Variants in ATL1 observed in about 807,000 individuals in gnomAD.
ATL1 encodes atlastin GTPase 1, also known as atlastin-1.
In ATL1, 31 loss-of-function variants were observed where a neutral mutation model predicts 75.5. That is an observed-to-expected ratio of 0.41 (90% CI 0.31 to 0.55). The LOEUF is 0.55. Ranked by LOEUF, ATL1 falls within the 20% of genes least tolerant of loss-of-function variation. The pLI is 0.27. For synonymous variants in ATL1, 226 were observed against 233.3 expected (o/e 0.97, Z 0.28); for missense variants, 405 against 662.6 (o/e 0.61, Z 4.27).
intron 1 of ATL1, among the ~76,000 whole-genome samples, chr14:50,582,250 G>C (rs958272669): frequency 2.0e-5 from 3 of 151,650 alleles, no homozygotes; most frequent in Non-Finnish European, 2.9e-5. Flanking sequence ...CTGCACTCTA[G>C]CCTGGGTGAC....
rs59075218 is a variant in ATL1, at chr14:50,542,006, C to CAAAAA, written c.-140+8677_-140+8681dup. Among the ~76,000 whole-genome samples the CAAAAA allele has an allele frequency of 2.7e-4, 17 of 62,480 alleles. 1 individual carries two copies. Among genetic ancestry groups the CAAAAA allele is most frequent in the East Asian group, 5.4e-4 (1 of 1,862 alleles). 41.0% of individuals were successfully genotyped at this position (62,480 alleles called of 152,430 possible). A position where few individuals can be genotyped will look rare whatever the true frequency, so the allele number is the denominator to read the frequency against. ...TGGGCGACAGAGCGAGATTCCGTCT[C>CAAAAA]AAAAAAAAAAAAAAAAAAAAAAAAA... On this transcript the variant is annotated intron_variant, in intron 1 of 13. Transcript: ENST00000441560.
In ATL1 at chr14:50,613,352, G is replaced by A; in HGVS notation, c.723+1G>A. On this transcript the variant is annotated splice_donor_variant, in intron 7 of 13. Transcript: ENST00000358385. LOFTEE classifies it high-confidence loss of function. Reference sequence around the variant, plus strand: ...CAAATTCTTGGAAAAACGCCTCAAGGTTTGTTAGATATTTAGGTGCATGAA... The same window carrying A: ...CAAATTCTTGGAAAAACGCCTCAAGATTTGTTAGATATTTAGGTGCATGAA... The A allele has an allele frequency of 1.9e-6, 3 of 1,610,526 alleles. No homozygotes were observed. The highest frequency in any genetic ancestry group is 2.5e-6 in the Non-Finnish European group (3 of 1,177,556).
intron 11 of ATL1, 82 bp from the exon 12 acceptor site, chr14:50,627,949 C>A: frequency 7.4e-7 from 1 of 1,357,698 alleles, no homozygotes; most frequent in South Asian, 1.2e-5. Context: ...CTAACAAACT[C>A]AACTAGCTAA....
intron 6 of ATL1, among the ~76,000 whole-genome samples, chr14:50,599,687 T>C (rs1021514333): frequency 5.9e-5 from 9 of 152,104 alleles, no homozygotes; most frequent in African/African-American, 2.2e-4. Context: ...GTGTTAAAAT[T>C]TGTACAGAAG....
chr14:50,599,656 G>A (rs2140213910), intron 6 of ATL1, among the ~76,000 whole-genome samples: 1 of 152,264 alleles, frequency 6.6e-6, no homozygotes, highest in African/African-American at 2.4e-5. Context: ...AACCAAAAGT[G>A]CATAGAGTAG....
chr14:50,554,022 C>A (rs548961428), intron 1 of ATL1, among the ~76,000 whole-genome samples: 156 of 152,074 alleles, frequency 1.0e-3, no homozygotes, highest in Admixed American at 2.4e-3. Context: ...GTGACAGGTG[C>A]AGCAGAATCT....
intron 8 of ATL1, among the ~76,000 whole-genome samples, chr14:50,618,458 G>C (rs2039434990): frequency 6.6e-6 from 1 of 152,068 alleles, no homozygotes; most frequent in South Asian, 2.1e-4. Flanking sequence ...CAAAATAAGT[G>C]AATAAACTCC....
chr14:50,603,235 A>G (rs975165318), intron 6 of ATL1, among the ~76,000 whole-genome samples: 8 of 152,156 alleles, frequency 5.3e-5, no homozygotes, highest in African/African-American at 1.7e-4. Flanking sequence ...CCATGTCCTC[A>G]GTGTCAAGTA....
At chr14:50,576,926 A>C (rs2039011172) in intron 1 of ATL1, among the ~76,000 whole-genome samples, 1 of 151,562 alleles carries the variant, frequency 6.6e-6, no homozygotes, top group Non-Finnish European at 1.5e-5. Flanking sequence ...ATATATAGTT[A>C]CAAATAATGA....
intron 1 of ATL1, among the ~76,000 whole-genome samples, chr14:50,585,399 G>A (rs2039092664): frequency 6.6e-6 from 1 of 152,084 alleles, no homozygotes; most frequent in African/African-American, 2.4e-5. Flanking sequence ...AAAATATTAT[G>A]TCTAGCTTGG....
Position 50,614,455 on chromosome 14 carries a change from T to C in ATL1, c.806T>C (p.Leu269Pro). ...TTCACCAACATTTCCTGTTTTCTGC[T>C]ACCTCATCCTGGCTTAAAAGTAGCT... ...SCFTNISCFL[L>P]PHPGLKVATN... The change falls in exon 8 of 14, where the codon CTA becomes CCA. Residue 269 changes from leucine (L) to proline (P), a missense_variant. By Grantham distance (98) the Leu-to-Pro change is moderately conservative (BLOSUM62 -3). Transcript: ENST00000358385. The C allele has an allele frequency of 6.2e-7, 1 of 1,614,042 alleles. No homozygotes were observed. Among genetic ancestry groups the C allele is most frequent in the Non-Finnish European group, 8.5e-7 (1 of 1,179,940 alleles).
At chr14:50,620,006 T>C (rs563585253) in intron 8 of ATL1, among the ~76,000 whole-genome samples, 1 of 152,272 alleles carries the variant, frequency 6.6e-6, no homozygotes, top group Non-Finnish European at 1.5e-5. Context: ...ATGCCTGTAA[T>C]CCCAGCACCT....
chr14:50,596,642 A>G (rs1351753199), intron 6 of ATL1, among the ~76,000 whole-genome samples: 2 of 152,236 alleles, frequency 1.3e-5, no homozygotes, highest in Admixed American at 1.3e-4. Flanking sequence ...TTCTGTCATC[A>G]TAGGACAATT....
chr14:50,534,636 A>G (rs2038469932), intron 1 of ATL1, among the ~76,000 whole-genome samples: 1 of 152,272 alleles, frequency 6.6e-6, no homozygotes, highest in South Asian at 2.1e-4. Flanking sequence ...TGCTTTGACC[A>G]TCAACCTAGA....
At chr14:50,541,582 T>C (rs1456899986) in intron 1 of ATL1, among the ~76,000 whole-genome samples, 1 of 152,168 alleles carries the variant, frequency 6.6e-6, no homozygotes, top group African/African-American at 2.4e-5. Flanking sequence ...CTACATAATG[T>C]ACTACAGAGA....
intron 1 of ATL1, among the ~76,000 whole-genome samples, chr14:50,545,426 G>A (rs2038618764): frequency 6.6e-6 from 1 of 152,216 alleles, no homozygotes; most frequent in African/African-American, 2.4e-5. Context: ...AGGGGTGTCT[G>A]CAGTGGGAAT....
intron 8 of ATL1, among the ~76,000 whole-genome samples, chr14:50,615,144 G>A (rs1338492843): frequency 6.6e-6 from 1 of 152,224 alleles, no homozygotes; most frequent in East Asian, 1.9e-4. Flanking sequence ...GGAGGTAGGA[G>A]TCTGAGGAAA....
At position 50,620,615 on chromosome 14, in the gene ATL1, C is replaced by A; in HGVS notation, c.879C>A (p.Phe293Leu). 1.2e-6 allele frequency: 2 copies of A among 1,612,888 alleles called. No individual in the cohort carries two copies. Among genetic ancestry groups the A allele is most frequent in the South Asian group, 1.1e-5 (1 of 91,018 alleles). The change falls in exon 9 of 14, where the codon TTC becomes TTA. Residue 293 changes from phenylalanine to leucine, a missense_variant. Physicochemically the swap from Phe to Leu is conservative, Grantham distance 22. Coordinates refer to ENST00000358385, the MANE Select transcript of ATL1 (RefSeq NM_015915.5). The stretch of plus-strand genomic sequence containing the variant: ...TACTTGTAGAAATAGATGATGAATT[C>A]ATCAAAAACTTGAAAATACTGATTC... ...DGKLKEIDDEFIKNLKILIPW... is the reference protein window; with the variant it reads ...DGKLKEIDDELIKNLKILIPW...
chr14:50,613,218 C>A (rs766209370), intron 6 of ATL1, 41 bp from the exon 7 acceptor site: 11 of 1,474,510 alleles, frequency 7.5e-6, no homozygotes, highest in Non-Finnish European at 1.0e-5. Flanking sequence ...AAGGGAGGCA[C>A]CTTAAAGTCC....
Sources: allele counts gnomAD v4.1 joint callset (sites outside exome capture counted in the v4.1 genomes callset), GRCh38; gene constraint gnomAD v4.1.1; transcripts MANE v1.5; gene names NCBI Gene and HGNC (gene_info 2026-07-23, HGNC 2026-07-21).